Variants in MEGF11 observed in about 807,000 individuals in gnomAD.
MEGF11 encodes the protein multiple EGF like domains 11.
In MEGF11, 126 loss-of-function variants were observed where a neutral mutation model predicts 146.6. The observed-to-expected ratio is 0.86, with a 90% CI of 0.74 to 1.00. MEGF11 has a LOEUF of 1.00. MEGF11 is among the 50% of genes least tolerant of loss of function. MEGF11 has a pLI of 0.00. For synonymous variants in MEGF11, 532 were observed against 583.4 expected, an observed-to-expected ratio of 0.91 and a Z score of 1.27; for missense variants, 1,509 against 1,521.2, an observed-to-expected ratio of 0.99 and a Z score of 0.13.
At chr15:66,090,007 C>T (rs1428476054) in intron 5 of MEGF11, among the ~76,000 whole-genome samples, 6 of 152,304 alleles carry the variant, frequency 3.9e-5, no homozygotes, top group Admixed American at 3.3e-4. Flanking sequence ...CATCTAACAG[C>T]CCAGAATTAT....
At chr15:65,932,268 G>T (rs1334945257) in intron 10 of MEGF11, among the ~76,000 whole-genome samples, 1 of 152,148 alleles carries the variant, frequency 6.6e-6, no homozygotes, top group Admixed American at 6.6e-5. Flanking sequence ...CTGGGATGGG[G>T]GAAGGGGCCA....
chr15:66,035,279 G>GACTACT (rs2083685132), intron 5 of MEGF11, among the ~76,000 whole-genome samples: 1 of 152,258 alleles, frequency 6.6e-6, no homozygotes, highest in African/African-American at 2.4e-5. Context: ...CAATCACCAT[G>GACTACT]ACTACTACTA....
intron 5 of MEGF11, among the ~76,000 whole-genome samples, chr15:66,038,621 A>G (rs2083819550): frequency 6.6e-6 from 1 of 152,152 alleles, no homozygotes; most frequent in Admixed American, 6.5e-5. Context: ...TTACAGATGA[A>G]AAAACTGAGG....
chr15:66,078,823 G>C (rs897298916), intron 5 of MEGF11, among the ~76,000 whole-genome samples: 3 of 152,216 alleles, frequency 2.0e-5, no homozygotes, highest in Non-Finnish European at 2.9e-5. Flanking sequence ...CCCGCCTCTT[G>C]CCAGTTCTCG....
At chr15:65,951,326 G>A (rs1320090324) in intron 10 of MEGF11, among the ~76,000 whole-genome samples, 1 of 152,204 alleles carries the variant, frequency 6.6e-6, no homozygotes, top group Non-Finnish European at 1.5e-5. Context: ...AGAACATATA[G>A]TAGTGCCCCC....
chr15:66,075,774 G>T (rs2085550190), intron 5 of MEGF11, among the ~76,000 whole-genome samples: 1 of 152,168 alleles, frequency 6.6e-6, no homozygotes, highest in Admixed American at 6.5e-5. Context: ...AAGCCACCTT[G>T]GGAAGGAGCC....
At chr15:66,029,944 CA>C (rs2083459469) in intron 5 of MEGF11, among the ~76,000 whole-genome samples, 1 of 152,228 alleles carries the variant, frequency 6.6e-6, no homozygotes, top group Non-Finnish European at 1.5e-5. Flanking sequence ...TCCCCAGCAC[CA>C]GCTCATCCTC....
At chr15:66,227,523 C>T (rs2091878876) in intron 1 of MEGF11, among the ~76,000 whole-genome samples, 1 of 152,192 alleles carries the variant, frequency 6.6e-6, no homozygotes, top group Non-Finnish European at 1.5e-5. Context: ...GAACTGAACT[C>T]GGGCCTTCCT....
chr15:66,018,653 C>CT (rs2082981075), intron 5 of MEGF11, among the ~76,000 whole-genome samples: 1 of 146,904 alleles, frequency 6.8e-6, no homozygotes, highest in South Asian at 2.2e-4. Flanking sequence ...GGGTGCCTGC[C>CT]TATGCGTGGG....
Position 66,094,340 on chromosome 15 carries a change from C to T in MEGF11, c.394+62G>A. The T allele has an allele frequency of 7.7e-6, 11 of 1,420,890 alleles. No individual in the cohort carries two copies. The South Asian group carries it at 1.4e-4, about 18-fold the overall frequency. 88.0% of individuals were successfully genotyped at this position (1,420,890 alleles called of 1,614,324 possible). A position where few individuals can be genotyped will look rare whatever the true frequency, so the allele number is the denominator to read the frequency against. On this transcript the variant is annotated intron_variant, in intron 5 of 25. Transcript: ENST00000395614. ...ACAAAAATGTAGCATGCACACACCA[C>T]AACCCACTCCCCTACCAAGTCAGAG... is the stretch of plus-strand genomic sequence containing the variant.
intron 5 of MEGF11, among the ~76,000 whole-genome samples, chr15:65,995,862 AAC>A (rs140369965): frequency 0.012 from 1,755 of 152,294 alleles, 40 homozygotes; most frequent in African/African-American, 0.04. Flanking sequence ...AGTGGCAGCA[AAC>A]ACACAATGCG....
chr15:66,213,334 A>T (rs1333190758), intron 1 of MEGF11, among the ~76,000 whole-genome samples: 1 of 152,188 alleles, frequency 6.6e-6, no homozygotes, highest in Non-Finnish European at 1.5e-5. Flanking sequence ...CCGTTCACAC[A>T]GAAAGATGGT....
In MEGF11 at chr15:66,050,146, A is replaced by G. The variant is rs371611029; in HGVS notation, c.394+44256T>C. Reference sequence around the variant, plus strand: ...GTGATCATAGCTCACTGCAGCCTTCAACTCCAGGGCTCAAGCAATCCTCCT... The same window carrying G: ...GTGATCATAGCTCACTGCAGCCTTCGACTCCAGGGCTCAAGCAATCCTCCT... On this transcript the variant is annotated intron_variant, in intron 5 of 25. Coordinates refer to ENST00000395614, the MANE Select transcript of MEGF11 (RefSeq NM_001385028.1). Among the ~76,000 whole-genome samples, 932 of 152,280 alleles carry G rather than the reference A, an allele frequency of 6.1e-3. 18 individuals carry two copies. Among genetic ancestry groups the G allele is most frequent in the African/African-American group, 0.021 (881 of 41,558 alleles).
At chr15:66,017,715 CTGA>C (rs2082939872) in intron 5 of MEGF11, among the ~76,000 whole-genome samples, 1 of 152,228 alleles carries the variant, frequency 6.6e-6, no homozygotes, top group Admixed American at 6.5e-5. Context: ...AGGCTATTTG[CTGA>C]TGTCTTTGCT....
In MEGF11 at chr15:65,946,350, T is replaced by C. The variant is rs117582685; in HGVS notation, c.1287+11197A>G. Among the ~76,000 whole-genome samples, 816 of 152,280 alleles carry C rather than the reference T, an allele frequency of 5.4e-3. 5 individuals carry two copies. Among genetic ancestry groups the C allele is most frequent in the Non-Finnish European group, 7.4e-3 (504 of 68,016 alleles). ...AAACTCAGGTTTCCCTGACTCAAAG[T>C]CCATGCTCTCCCCACTCTGCCAAGC... On this transcript the variant is annotated intron_variant, in intron 10 of 25. Transcript: ENST00000395614.
intron 4 of MEGF11, among the ~76,000 whole-genome samples, chr15:66,110,444 C>T (rs1447063519): frequency 6.6e-6 from 1 of 152,196 alleles, no homozygotes; most frequent in Non-Finnish European, 1.5e-5. Flanking sequence ...ACTTTGACCT[C>T]TCAGTGGGGC....
intron 4 of MEGF11, among the ~76,000 whole-genome samples, chr15:66,110,892 C>G (rs2087358439): frequency 6.6e-6 from 1 of 152,148 alleles, no homozygotes. Context: ...GGACCCACAC[C>G]TTAGCAAAAA....
intron 1 of MEGF11, among the ~76,000 whole-genome samples, chr15:66,239,707 G>C (rs1173099024): frequency 6.6e-6 from 1 of 152,198 alleles, no homozygotes; most frequent in Non-Finnish European, 1.5e-5. Flanking sequence ...TTCCGTACCA[G>C]GGTCCACCCA....
chr15:65,917,918 T>A, intron 16 of MEGF11, 48 bp downstream of exon 16: 1 of 1,611,482 alleles, frequency 6.2e-7, no homozygotes, highest in Non-Finnish European at 8.5e-7. Context: ...AGGGAGAATT[T>A]TTGGGCCTGA....
Sources: gnomAD v4.1 joint callset for allele counts (sites outside exome capture counted in the v4.1 genomes callset) on GRCh38, gnomAD v4.1.1 for gene constraint, MANE v1.5 for transcripts, NCBI Gene and HGNC (gene_info 2026-07-23, HGNC 2026-07-21) for gene names.